NCAPD3: variants seen among roughly 807,000 people sequenced by gnomAD.
The protein encoded by NCAPD3 is non-SMC condensin II complex subunit D3, also known as condensin-2 complex subunit D3.
In NCAPD3, 105 loss-of-function variants were observed where a neutral mutation model predicts 182.9. That is an observed-to-expected ratio of 0.57 (90% confidence interval 0.49 to 0.68). NCAPD3 has a LOEUF of 0.68. NCAPD3 is among the 30% of genes least tolerant of loss of function. NCAPD3 has a pLI of 0.00. For synonymous variants in NCAPD3, 815 were observed against 679.9 expected, an observed-to-expected ratio of 1.20 and a Z score of -3.09; for missense variants, 1,944 against 1,837.0, an observed-to-expected ratio of 1.06 and a Z score of -1.07.
rs1230205360 is a variant in NCAPD3 at position 134,150,372 on chromosome 11, T to G, written c.*2572A>C. 2.0e-5 allele frequency: 3 copies of G among 152,474 alleles called. No individual in the cohort carries two copies. The East Asian group carries it at 5.7e-4, about 29-fold the overall frequency. 9.4% of individuals were successfully genotyped at this position (152,474 alleles called of 1,614,324 possible). A position where few individuals can be genotyped will look rare whatever the true frequency, so the allele number is the denominator to read the frequency against. Reference sequence around the variant, plus strand: ...AAGCCCTCAGATGTACATACACAGATGCCAGTCAGCTCCTGGGGTTGCGCC... The same window carrying G: ...AAGCCCTCAGATGTACATACACAGAGGCCAGTCAGCTCCTGGGGTTGCGCC... On this transcript the variant is annotated 3_prime_UTR_variant, in exon 35 of 35. Coordinates refer to ENST00000534548, the MANE Select transcript of NCAPD3 (RefSeq NM_015261.3).
At chr11:134,188,954 A>G (rs971603942) in intron 16 of NCAPD3, among the ~76,000 whole-genome samples, 1 of 152,172 alleles carries the variant, frequency 6.6e-6, no homozygotes, top group Non-Finnish European at 1.5e-5. Context: ...TGGCACCATG[A>G]TCTCAAATTT....
chr11:134,184,599 A>G (rs1369453804), intron 19 of NCAPD3, 38 bp downstream of exon 19: 2 of 1,432,230 alleles, frequency 1.4e-6, no homozygotes, highest in South Asian at 2.5e-5. Flanking sequence ...CCTAAGCTCA[A>G]AGAAGTCAGA....
At chr11:134,167,963 G>A (rs764971893) in intron 27 of NCAPD3, 33 bp downstream of exon 27, 29 of 1,600,758 alleles carry the variant, frequency 1.8e-5, no homozygotes, top group Non-Finnish European at 2.4e-5. Flanking sequence ...ACTCACTTGT[G>A]AGAAGATGAT....
chr11:134,158,318 G>T lies in NCAPD3; in HGVS notation c.4034+11C>A. 1 of 1,613,872 alleles carries T rather than the reference G, an allele frequency of 6.2e-7. No individual in the cohort carries two copies. Among genetic ancestry groups the T allele is most frequent in the South Asian group, 1.1e-5 (1 of 91,042 alleles). On this transcript the variant is annotated intron_variant, in intron 30 of 34. Coordinates refer to ENST00000534548, the MANE Select transcript of NCAPD3 (RefSeq NM_015261.3). ...GAACCAGCCCTGATGTGGCCTCCAG[G>T]GGCTCTTTACCTGGCTTTGGGCAGC...
rs1591819858 is a variant in NCAPD3 at position 134,158,261 on chromosome 11, G to T, written c.4034+68C>A. 6 of 1,586,438 alleles carry T rather than the reference G, an allele frequency of 3.8e-6. No homozygotes were observed. The East Asian group carries it at 1.3e-4, about 36-fold the overall frequency. ...GACTTTCCTGCCCACGCTTGGGAATGGCAGGGACGCCTCTGAGAACATCGC... is the reference window on the plus strand; with the variant it reads ...GACTTTCCTGCCCACGCTTGGGAATTGCAGGGACGCCTCTGAGAACATCGC... On this transcript the variant is annotated intron_variant, in intron 30 of 34. Transcript: ENST00000534548.
intron 32 of NCAPD3, among the ~76,000 whole-genome samples, chr11:134,155,481 C>T (rs748653869): frequency 6.6e-6 from 1 of 152,162 alleles, no homozygotes; most frequent in African/African-American, 2.4e-5. Context: ...GAGCCTGGAG[C>T]AAGAACAAGT....
At chr11:134,186,205 A>G (rs1386580934) in intron 16 of NCAPD3, 2 of 152,166 alleles carry the variant, frequency 1.3e-5, no homozygotes, top group Non-Finnish European at 2.9e-5. Context: ...GTGTTATATT[A>G]CTAGTTTTTG....
At position 134,177,252 on chromosome 11, in the gene NCAPD3, C is replaced by T. The variant is rs767137892; in HGVS notation, c.2988G>A (p.Lys996=). ...GATTGGTAAGCAAGATGAGTGTCTG[C>T]TTCCGGATGAATGGGTCGGAATCCT... ...CLKDSDPFIR[K]QTLILLTNLL... The change falls in exon 23 of 35, where the codon AAG becomes AAA. Residue 996 remains lysine (K), a synonymous_variant. Coordinates refer to ENST00000534548, the MANE Select transcript of NCAPD3 (RefSeq NM_015261.3). The T allele has an allele frequency of 6.2e-7, 1 of 1,614,240 alleles. No homozygotes were observed. The highest frequency in any genetic ancestry group is 2.2e-5 in the East Asian group (1 of 44,884).
intron 32 of NCAPD3, among the ~76,000 whole-genome samples, chr11:134,155,968 A>G (rs1382843952): frequency 6.6e-6 from 1 of 152,234 alleles, no homozygotes; most frequent in Admixed American, 6.5e-5. Context: ...GAACCAAACA[A>G]GCAAGTAGCT....
intron 27 of NCAPD3, among the ~76,000 whole-genome samples, chr11:134,163,885 A>AAAAAAAAG (rs1943672390): frequency 6.6e-6 from 1 of 150,490 alleles, no homozygotes; most frequent in African/African-American, 2.4e-5. Flanking sequence ...AAAAAAAAAA[A>AAAAAAAAG]AAAAAAAGAA....
intron 2 of NCAPD3, among the ~76,000 whole-genome samples, chr11:134,219,817 GAC>G (rs1255577256): frequency 6.6e-6 from 1 of 151,932 alleles, no homozygotes; most frequent in Non-Finnish European, 1.5e-5. Context: ...TTTTTTGTGA[GAC>G]AGAGTCTTGC....
rs1314377986 is a variant in NCAPD3, at chr11:134,186,665, AAC to A, written c.2046-1141_2046-1140del. Among the ~76,000 whole-genome samples the A allele has an allele frequency of 2.6e-5, 4 of 152,352 alleles. No homozygotes were observed. In the South Asian group the frequency reaches 8.3e-4, roughly 32 times the overall value. The stretch of plus-strand genomic sequence containing the variant: ...TTAATTTTTCTTAGACTTCTGGGAA[AAC>A]ACATACACATACATACCCACACGCG... On this transcript the variant is annotated intron_variant, in intron 16 of 34. Transcript: ENST00000534548.
chr11:134,175,638 A>G (rs1944142544), intron 24 of NCAPD3, among the ~76,000 whole-genome samples: 1 of 152,248 alleles, frequency 6.6e-6, no homozygotes. Flanking sequence ...TATGGCATTC[A>G]GCATTCTACT....
Position 134,158,213 on chromosome 11 carries a change from G to A in NCAPD3, c.4034+116C>T, listed in dbSNP as rs1010050794. 7.9e-6 allele frequency: 12 copies of A among 1,528,436 alleles called. No individual in the cohort carries two copies. The African/African-American group carries it at 8.2e-5, about 10-fold the overall frequency. 94.7% of individuals were successfully genotyped at this position (1,528,436 alleles called of 1,614,324 possible). A position where few individuals can be genotyped will look rare whatever the true frequency, so the allele number is the denominator to read the frequency against. On this transcript the variant is annotated intron_variant, in intron 30 of 34. Coordinates refer to ENST00000534548, the MANE Select transcript of NCAPD3 (RefSeq NM_015261.3). ...CTCCCAGGGCACAGTGTGGAGCGGG[G>A]TGGCAGGCCAGACAATGACAATGAC...
chr11:134,166,635 G>A (rs1246911548), intron 27 of NCAPD3, among the ~76,000 whole-genome samples: 4 of 59,978 alleles, frequency 6.7e-5, no homozygotes, highest in African/African-American at 8.5e-5. Context: ...TCACTAGTGA[G>A]ATGAGCTTGG....
chr11:134,182,999 T>A, intron 19 of NCAPD3: 1 of 418,946 alleles, frequency 2.4e-6, no homozygotes, highest in Non-Finnish European at 4.7e-6. Flanking sequence ...CGCTTCCAGC[T>A]CTCAGTGTCT....
intron 1 of NCAPD3, among the ~76,000 whole-genome samples, chr11:134,221,560 A>G (rs1372846119): frequency 6.6e-6 from 1 of 151,880 alleles, no homozygotes; most frequent in African/African-American, 2.4e-5. Flanking sequence ...TTTCTAATAC[A>G]CTATATTTCT....
At chr11:134,160,344 G>A (rs890631403) in intron 28 of NCAPD3, among the ~76,000 whole-genome samples, 1 of 152,080 alleles carries the variant, frequency 6.6e-6, no homozygotes, top group African/African-American at 2.4e-5. Context: ...AAACACCACT[G>A]GCCACACAAG....
At position 134,168,688 on chromosome 11, in the gene NCAPD3, C is replaced by T; in HGVS notation, c.3240-86G>A. 3 of 1,563,426 alleles carry T rather than the reference C, an allele frequency of 1.9e-6. No homozygotes were observed. In the South Asian group the frequency reaches 3.5e-5, roughly 18 times the overall value. ...CTGCACTTTAACTGCATCCTAAAAGCTGCATGCCAAAGACTCCAGTGCACT... is the reference window on the plus strand; with the variant it reads ...CTGCACTTTAACTGCATCCTAAAAGTTGCATGCCAAAGACTCCAGTGCACT... On this transcript the variant is annotated intron_variant, in intron 25 of 34. Coordinates refer to ENST00000534548, the MANE Select transcript of NCAPD3 (RefSeq NM_015261.3).
Sources: allele counts gnomAD v4.1 joint callset (sites outside exome capture counted in the v4.1 genomes callset), GRCh38; gene constraint gnomAD v4.1.1; transcripts MANE v1.5; gene names NCBI Gene and HGNC (gene_info 2026-07-23, HGNC 2026-07-21).